COMMD10: variants seen among roughly 807,000 people sequenced by gnomAD.
The protein encoded by COMMD10 is COMM domain-containing protein 10.
A neutral mutation model predicts 28.9 loss-of-function variants in COMMD10; 33 were observed. The observed-to-expected ratio is 1.14, with a 90% CI of 0.87 to 1.53. COMMD10 has a LOEUF of 1.53. Ranked by LOEUF, COMMD10 falls within the 40% of genes most tolerant of loss-of-function variation. The pLI is 0.00. For missense variants in COMMD10, 310 were observed against 233.4 expected (o/e 1.33, Z -2.14); for synonymous variants, 110 against 81.7 (o/e 1.35, Z -1.87).
intron 4 of COMMD10, among the ~76,000 whole-genome samples, chr5:116,126,806 TA>T (rs1751662054): frequency 6.6e-6 from 1 of 152,094 alleles, no homozygotes; most frequent in East Asian, 1.9e-4. Context: ...AAATTAGACC[TA>T]AAACCATAAA....
At chr5:116,118,920 A>G (rs1751331307) in intron 4 of COMMD10, among the ~76,000 whole-genome samples, 1 of 152,248 alleles carries the variant, frequency 6.6e-6, no homozygotes, top group Non-Finnish European at 1.5e-5. Context: ...GATTTCGTTA[A>G]TGCCAGGGAA....
At chr5:116,153,062 A>G (rs1432959295) in intron 5 of COMMD10, among the ~76,000 whole-genome samples, 1 of 152,090 alleles carries the variant, frequency 6.6e-6, no homozygotes. Flanking sequence ...ATATTTGTGC[A>G]TCTTTTCGAC....
At chr5:116,232,065 T>C (rs1749542916) in intron 5 of COMMD10, among the ~76,000 whole-genome samples, 1 of 152,144 alleles carries the variant, frequency 6.6e-6, no homozygotes. Context: ...GTATGGAAGC[T>C]GGAAAGAACC....
intron 5 of COMMD10, among the ~76,000 whole-genome samples, chr5:116,261,869 G>A (rs1466007444): frequency 1.3e-5 from 2 of 151,384 alleles, no homozygotes; most frequent in Non-Finnish European, 2.9e-5. Flanking sequence ...TAACTGTTTC[G>A]GTTTCAGAAA....
intron 5 of COMMD10, among the ~76,000 whole-genome samples, chr5:116,238,299 A>G (rs1483228695): frequency 2.0e-5 from 3 of 152,348 alleles, no homozygotes; most frequent in East Asian, 1.9e-4. Flanking sequence ...ACTGGACTGC[A>G]TGACAATTAA....
chr5:116,131,050 A>G (rs1751846419), intron 4 of COMMD10, among the ~76,000 whole-genome samples: 1 of 151,958 alleles, frequency 6.6e-6, no homozygotes, highest in Non-Finnish European at 1.5e-5. Context: ...TAGTTGGGGA[A>G]AGAATATACT....
At chr5:116,096,943 T>C (rs1368038251) in intron 4 of COMMD10, among the ~76,000 whole-genome samples, 2 of 152,126 alleles carry the variant, frequency 1.3e-5, no homozygotes, top group East Asian at 3.8e-4. Flanking sequence ...TAGCCTGTTT[T>C]CTGTTTATAT....
chr5:116,140,440 A>G (rs1278433375), intron 5 of COMMD10, among the ~76,000 whole-genome samples: 1 of 151,770 alleles, frequency 6.6e-6, no homozygotes, highest in African/African-American at 2.4e-5. Context: ...TCTTCTTTGA[A>G]TATATACCAA....
chr5:116,257,638 G>A (rs912016348), intron 5 of COMMD10, among the ~76,000 whole-genome samples: 2 of 151,558 alleles, frequency 1.3e-5, no homozygotes, highest in Admixed American at 1.3e-4. Flanking sequence ...CATGGTACTA[G>A]TTTTAAACTT....
rs144828595 is a variant in COMMD10 at position 116,121,375 on chromosome 5, C to T, written c.400-12693C>T. 7.6e-3 allele frequency among the ~76,000 whole-genome samples: 1,160 copies of T among 152,332 alleles called. 15 individuals are homozygous for T. The highest frequency in any genetic ancestry group is 0.026 in the African/African-American group (1,079 of 41,568). On this transcript the variant is annotated intron_variant, in intron 4 of 6. Coordinates refer to ENST00000274458, the MANE Select transcript of COMMD10 (RefSeq NM_016144.4). ...ATGTGCCACATTTTCAAAATCCAGT[C>T]TATCATTGCTGGACATTCGGGTTGG... is the stretch of plus-strand genomic sequence containing the variant.
At chr5:116,089,350 C>T (rs1460596460) in intron 2 of COMMD10, among the ~76,000 whole-genome samples, 1 of 152,222 alleles carries the variant, frequency 6.6e-6, no homozygotes, top group African/African-American at 2.4e-5. Context: ...CCGTAACTCT[C>T]TCCCTTATTA....
intron 5 of COMMD10, among the ~76,000 whole-genome samples, chr5:116,157,477 G>T (rs1752755642): frequency 6.6e-6 from 1 of 152,128 alleles, no homozygotes. Flanking sequence ...CTTTATGTCG[G>T]TTATCATTTA....
intron 4 of COMMD10, among the ~76,000 whole-genome samples, chr5:116,121,485 G>C (rs1021820300): frequency 1.6e-4 from 24 of 152,084 alleles, no homozygotes; most frequent in Admixed American, 1.4e-3. Context: ...ATAATCCTTT[G>C]GGTATATACC....
chr5:116,290,417 G>A (rs1007918255), intron 5 of COMMD10, among the ~76,000 whole-genome samples: 3 of 151,782 alleles, frequency 2.0e-5, no homozygotes, highest in Non-Finnish European at 4.4e-5. Flanking sequence ...ATGGAAATTT[G>A]ATCCTGTACA....
At chr5:116,264,311 A>G (rs1230006823) in intron 5 of COMMD10, among the ~76,000 whole-genome samples, 1 of 151,810 alleles carries the variant, frequency 6.6e-6, no homozygotes, top group South Asian at 2.1e-4. Flanking sequence ...TATACGTATG[A>G]AGGCACAAAA....
intron 5 of COMMD10, among the ~76,000 whole-genome samples, chr5:116,278,963 G>C (rs973788262): frequency 2.0e-5 from 3 of 151,674 alleles, no homozygotes; most frequent in Non-Finnish European, 4.4e-5. Context: ...CACTTATTCT[G>C]ATATTTTCCA....
chr5:116,181,433 T>A (rs1280904123), intron 5 of COMMD10, among the ~76,000 whole-genome samples: 1 of 150,162 alleles, frequency 6.7e-6, no homozygotes, highest in African/African-American at 2.5e-5. Context: ...AGCTGGTGTT[T>A]TACATCTAGT....
chr5:116,198,188 T>G (rs1354396015), intron 5 of COMMD10, among the ~76,000 whole-genome samples: 2 of 152,202 alleles, frequency 1.3e-5, no homozygotes, highest in East Asian at 3.9e-4. Context: ...GCTTAATTTC[T>G]AAGTACATTT....
chr5:116,125,621 C>A (rs1751601624), intron 4 of COMMD10, among the ~76,000 whole-genome samples: 1 of 152,140 alleles, frequency 6.6e-6, no homozygotes, highest in Non-Finnish European at 1.5e-5. Context: ...GGGAAGTTCT[C>A]CTGGATAATA....
Sources: gnomAD v4.1 joint callset for allele counts (sites outside exome capture counted in the v4.1 genomes callset) on GRCh38, gnomAD v4.1.1 for gene constraint, MANE v1.5 for transcripts, NCBI Gene and HGNC (gene_info 2026-07-23, HGNC 2026-07-21) for gene names.